The following DEPDC1B variants were observed in gnomAD, a reference collection of about 807,000 sequenced individuals.
The protein encoded by DEPDC1B is DEP domain-containing protein 1B.
In DEPDC1B, 51 loss-of-function variants were observed where a neutral mutation model predicts 66.5. That is an observed-to-expected ratio of 0.77 (90% CI 0.61 to 0.97). DEPDC1B has a LOEUF of 0.97. Among genes scored for constraint, DEPDC1B ranks in the 50% least tolerant of loss-of-function variants. DEPDC1B has a pLI of 0.00. For synonymous variants in DEPDC1B, 226 were observed against 223.6 expected, an observed-to-expected ratio of 1.01 and a Z score of -0.10; for missense variants, 552 against 637.1, an observed-to-expected ratio of 0.87 and a Z score of 1.44.
chr5:60,645,069 G>A (rs2111877868), intron 4 of DEPDC1B, among the ~76,000 whole-genome samples, 194 bp from the exon 5 acceptor site: 1 of 152,240 alleles, frequency 6.6e-6, no homozygotes, highest in Non-Finnish European at 1.5e-5. Flanking sequence ...TTAACATTTT[G>A]CTTCACAGAT....
chr5:60,688,644 G>A (rs570022997), intron 1 of DEPDC1B, among the ~76,000 whole-genome samples: 2 of 152,294 alleles, frequency 1.3e-5, no homozygotes, highest in South Asian at 4.2e-4. Flanking sequence ...AGAGCTGAGT[G>A]AGTACGTTGG....
intron 2 of DEPDC1B, among the ~76,000 whole-genome samples, chr5:60,662,537 C>T (rs983623088): frequency 6.6e-6 from 1 of 152,186 alleles, no homozygotes; most frequent in Non-Finnish European, 1.5e-5. Flanking sequence ...CTGCTTTAGT[C>T]ATGGCCCTCA....
chr5:60,605,938 T>C (rs1225364393), intron 7 of DEPDC1B, 82 bp from the exon 8 acceptor site: 10 of 1,186,882 alleles, frequency 8.4e-6, no homozygotes, highest in East Asian at 2.7e-5. Context: ...ACAAAATATA[T>C]ATTAGTAAAA....
chr5:60,641,465 C>T (rs1370093095), intron 6 of DEPDC1B, among the ~76,000 whole-genome samples: 1 of 151,472 alleles, frequency 6.6e-6, no homozygotes, highest in Admixed American at 6.6e-5. Flanking sequence ...GCTGGGACTA[C>T]AGGCGCCCGC....
At chr5:60,660,552 C>T (rs373804570) in intron 2 of DEPDC1B, among the ~76,000 whole-genome samples, 1 of 152,122 alleles carries the variant, frequency 6.6e-6, no homozygotes, top group African/African-American at 2.4e-5. Flanking sequence ...CCCAGTAACC[C>T]GTGGATGGCC....
In DEPDC1B at chr5:60,599,251, G is replaced by C; in HGVS notation, c.1252C>G (p.Pro418Ala). ...AHLRRVQIKY[P>A]GADMDITLSA... ...AAAGTGATATCCATATCAGCTCCTG[G>C]GTATTTTATCTGAGGCAAAAGGATT... is the stretch of plus-strand genomic sequence containing the variant. Residue 418 changes from proline (P) to alanine (A), a missense_variant, in exon 10 of 11, where the codon CCA becomes GCA. Pro to Ala is a conservative substitution (Grantham distance 27, BLOSUM62 -1). Transcript: ENST00000265036. 1 of 1,594,816 alleles carries C rather than the reference G, an allele frequency of 6.3e-7. No individual in the cohort carries two copies. Among genetic ancestry groups the C allele is most frequent in the Non-Finnish European group, 8.5e-7 (1 of 1,173,968 alleles).
chr5:60,645,370 A>T, intron 4 of DEPDC1B, 122 bp downstream of exon 4: 1 of 995,232 alleles, frequency 1.0e-6, no homozygotes, highest in Non-Finnish European at 1.4e-6. Context: ...TCACAACTGC[A>T]AATAATGCAA....
At chr5:60,683,093 A>G (rs1420283512) in intron 2 of DEPDC1B, among the ~76,000 whole-genome samples, 1 of 152,214 alleles carries the variant, frequency 6.6e-6, no homozygotes, top group African/African-American at 2.4e-5. Context: ...GTAATATACA[A>G]TAATCACATG....
At chr5:60,604,949 TG>T (rs1260679039) in intron 8 of DEPDC1B, among the ~76,000 whole-genome samples, 3 of 152,176 alleles carry the variant, frequency 2.0e-5, no homozygotes, top group Non-Finnish European at 4.4e-5. Flanking sequence ...CTTCTAAAAC[TG>T]GGCCAGTGAA....
At position 60,700,070 on chromosome 5, in the gene DEPDC1B, G is replaced by A. The variant is rs565796349; in HGVS notation, c.24C>T (p.Pro8=). 1.6e-5 allele frequency: 25 copies of A among 1,557,858 alleles called. No homozygotes were observed. Among genetic ancestry groups the A allele is most frequent in the Non-Finnish European group, 2.0e-5 (23 of 1,152,970 alleles). The part of the protein sequence containing the change: MEHRIVG[P]GPYRATRLWN... Reference sequence around the variant, plus strand: ...CCAGCCTGGTAGCTCGGTACGGCCCGGGCCCCACGATGCGATGCTCCATGG... The same window carrying A: ...CCAGCCTGGTAGCTCGGTACGGCCCAGGCCCCACGATGCGATGCTCCATGG... Residue 8 remains proline, a synonymous_variant, in exon 1 of 11, where the codon CCC becomes CCT. Transcript: ENST00000265036.
At position 60,661,105 on chromosome 5, in the gene DEPDC1B, A is replaced by AT. The variant is rs1753705140; in HGVS notation, c.315-13573dup. Among the ~76,000 whole-genome samples, 2 of 152,202 alleles carry AT rather than the reference A, an allele frequency of 1.3e-5. 1 individual carries two copies. ...TACACCCTCTCTGAAATAAATTTGC[A>AT]TAAGAACTGTTGTTTATGGGAATAC... On this transcript the variant is annotated intron_variant, in intron 2 of 10. Coordinates refer to ENST00000265036, the MANE Select transcript of DEPDC1B (RefSeq NM_018369.3).
intron 2 of DEPDC1B, among the ~76,000 whole-genome samples, chr5:60,671,027 G>C (rs1192082401): frequency 6.6e-6 from 1 of 152,154 alleles, no homozygotes; most frequent in Non-Finnish European, 1.5e-5. Flanking sequence ...TTGTCCCACT[G>C]TAACTGTGAA....
At chr5:60,654,037 G>A (rs749890963) in intron 2 of DEPDC1B, among the ~76,000 whole-genome samples, 2 of 149,406 alleles carry the variant, frequency 1.3e-5, no homozygotes, top group Non-Finnish European at 2.9e-5. Context: ...GTCAGGCAAT[G>A]TAATACTTCC....
At chr5:60,685,461 A>C (rs1754392302) in intron 2 of DEPDC1B, among the ~76,000 whole-genome samples, 1 of 152,194 alleles carries the variant, frequency 6.6e-6, no homozygotes, top group African/African-American at 2.4e-5. Flanking sequence ...CTGGAGGAAA[A>C]AATAATTATT....
chr5:60,695,927 T>C (rs1212524324), intron 1 of DEPDC1B, among the ~76,000 whole-genome samples: 8 of 152,168 alleles, frequency 5.3e-5, no homozygotes. Flanking sequence ...GCCTCCCAAG[T>C]AGCTGGGATT....
intron 2 of DEPDC1B, among the ~76,000 whole-genome samples, chr5:60,659,627 G>A (rs867471725): frequency 1.3e-5 from 2 of 152,322 alleles, no homozygotes; most frequent in Middle Eastern, 3.4e-3. Flanking sequence ...ACAGCCAGAA[G>A]TCTCTATTCA....
rs190255868 is a variant in DEPDC1B at position 60,676,450 on chromosome 5, C to T, written c.314+10512G>A. On this transcript the variant is annotated intron_variant, in intron 2 of 10. Coordinates refer to ENST00000265036, the MANE Select transcript of DEPDC1B (RefSeq NM_018369.3). The stretch of plus-strand genomic sequence containing the variant: ...CCTCCTAAGTAGCTAAGACTACAGG[C>T]GCATGGCACTATGCCTCGCTTTAAT... 8.5e-5 allele frequency among the ~76,000 whole-genome samples: 13 copies of T among 152,202 alleles called. No individual in the cohort carries two copies. The East Asian group carries it at 1.4e-3, about 16-fold the overall frequency.
At chr5:60,677,797 T>C (rs989137694) in intron 2 of DEPDC1B, among the ~76,000 whole-genome samples, 16 of 152,164 alleles carry the variant, frequency 1.1e-4, no homozygotes, top group Non-Finnish European at 1.8e-4. Context: ...TAAGAACTTA[T>C]CCAACTAATC....
At chr5:60,647,952 C>T (rs1753360113) in intron 2 of DEPDC1B, 2 of 153,296 alleles carry the variant, frequency 1.3e-5, no homozygotes, top group Admixed American at 1.3e-4. Flanking sequence ...TAACTAAAGA[C>T]CTTATCTCAA....
Sources: allele counts gnomAD v4.1 joint callset (sites outside exome capture counted in the v4.1 genomes callset), GRCh38; gene constraint gnomAD v4.1.1; transcripts MANE v1.5; gene names NCBI Gene and HGNC (gene_info 2026-07-23, HGNC 2026-07-21).